Variants in ROCK2 observed in about 807,000 individuals in gnomAD.
ROCK2 encodes Rho associated coiled-coil containing protein kinase 2.
A neutral mutation model predicts 195.1 loss-of-function variants in ROCK2; 61 were observed. The observed-to-expected ratio is 0.31, with a 90% CI of 0.25 to 0.39. ROCK2 has a LOEUF of 0.39. Ranked by LOEUF, ROCK2 falls within the 10% of genes least tolerant of loss-of-function variation. The pLI, the probability that ROCK2 is intolerant of heterozygous loss-of-function variation, is 1.00. For synonymous variants in ROCK2, 504 were observed against 545.5 expected (o/e 0.92, Z 1.06); for missense variants, 1,109 against 1,637.4 (o/e 0.68, Z 5.57).
chr2:11,313,394 TTAAAA>T (rs1454524816), intron 1 of ROCK2, among the ~76,000 whole-genome samples: 1 of 152,070 alleles, frequency 6.6e-6, no homozygotes, highest in Non-Finnish European at 1.5e-5. Flanking sequence ...GCTACCATAT[TTAAAA>T]TATTTTTGGG....
At chr2:11,296,015 A>C (rs13020007) in intron 1 of ROCK2, among the ~76,000 whole-genome samples, 1 of 80,024 alleles carries the variant, frequency 1.2e-5, no homozygotes, top group East Asian at 5.7e-4. Flanking sequence ...GGAGAGAGAG[A>C]GAGAGAGAGA....
chr2:11,276,133 T>A (rs1385898099), intron 3 of ROCK2, among the ~76,000 whole-genome samples: 1 of 152,122 alleles, frequency 6.6e-6, no homozygotes, highest in Non-Finnish European at 1.5e-5. Flanking sequence ...AGTCTAAAAG[T>A]TTTTCCGCTA....
At chr2:11,256,697 T>C (rs577053994) in intron 3 of ROCK2, among the ~76,000 whole-genome samples, 2 of 151,234 alleles carry the variant, frequency 1.3e-5, no homozygotes, top group East Asian at 3.9e-4. Context: ...GGTATATAAA[T>C]AATAAAGCAG....
At chr2:11,275,494 A>G (rs1666792517) in intron 3 of ROCK2, among the ~76,000 whole-genome samples, 1 of 152,108 alleles carries the variant, frequency 6.6e-6, no homozygotes, top group African/African-American at 2.4e-5. Flanking sequence ...AAAGATTCTC[A>G]ACAAATTACT....
intron 1 of ROCK2, among the ~76,000 whole-genome samples, chr2:11,323,932 T>C (rs1180206177): frequency 1.3e-5 from 2 of 152,230 alleles, no homozygotes; most frequent in Non-Finnish European, 2.9e-5. Context: ...TAATAACCTG[T>C]ATCCACCATT....
At chr2:11,287,102 TCA>T (rs1667225255) in intron 2 of ROCK2, among the ~76,000 whole-genome samples, 1 of 152,204 alleles carries the variant, frequency 6.6e-6, no homozygotes, top group African/African-American at 2.4e-5. Flanking sequence ...GGAAAATACC[TCA>T]GTCTCTGCCA....
intron 3 of ROCK2, among the ~76,000 whole-genome samples, chr2:11,261,365 A>C (rs1442784185): frequency 6.6e-6 from 1 of 152,210 alleles, no homozygotes; most frequent in Non-Finnish European, 1.5e-5. Flanking sequence ...TCCTTTGAGG[A>C]TGTCTCTTTC....
At chr2:11,288,643 C>A (rs1007818323) in intron 1 of ROCK2, among the ~76,000 whole-genome samples, 1 of 149,350 alleles carries the variant, frequency 6.7e-6, no homozygotes, top group African/African-American at 2.4e-5. Flanking sequence ...TGACACCCTG[C>A]TAAAAGAAAC....
intron 1 of ROCK2, among the ~76,000 whole-genome samples, chr2:11,326,581 G>GT (rs1246372089): frequency 3.3e-5 from 5 of 152,078 alleles, no homozygotes; most frequent in Admixed American, 6.5e-5. Context: ...TTTTTGTTTT[G>GT]TTTTTTATTT....
At chr2:11,322,411 C>T (rs1217748523) in intron 1 of ROCK2, among the ~76,000 whole-genome samples, 5 of 150,774 alleles carry the variant, frequency 3.3e-5, no homozygotes, top group African/African-American at 1.2e-4. Flanking sequence ...TATATAAATG[C>T]CAGAAACAGT....
Position 11,201,195 on chromosome 2 carries a change from A to T in ROCK2, c.2724-52T>A, listed in dbSNP as rs1572234637. The T allele has an allele frequency of 6.4e-7, 1 of 1,560,708 alleles. No homozygotes were observed. Among genetic ancestry groups the T allele is most frequent in the East Asian group, 2.3e-5 (1 of 44,440 alleles). On this transcript the variant is annotated intron_variant, in intron 22 of 32. Coordinates refer to ENST00000315872, the MANE Select transcript of ROCK2 (RefSeq NM_004850.5). This position sits in a 1 kb window ranked among gnomAD's most constrained non-coding sequence, Gnocchi z 4.6. Reference sequence around the variant, plus strand: ...ATGGTTCAGTTTTCACTATGAAGTGAAAGTTTTTGTCTAATTCACTTCATC... The same window carrying T: ...ATGGTTCAGTTTTCACTATGAAGTGTAAGTTTTTGTCTAATTCACTTCATC...
chr2:11,246,021 A>T (rs1477301144), intron 4 of ROCK2, among the ~76,000 whole-genome samples: 6 of 152,180 alleles, frequency 3.9e-5, no homozygotes, highest in African/African-American at 1.4e-4. Flanking sequence ...CAGTCACTAT[A>T]ACCAAGGAGG....
intron 5 of ROCK2, among the ~76,000 whole-genome samples, chr2:11,227,871 T>C (rs1490186946): frequency 1.3e-5 from 2 of 152,090 alleles, no homozygotes; most frequent in African/African-American, 2.4e-5. Context: ...GGCTCTTGTA[T>C]TACCAAGAAA....
intron 1 of ROCK2, among the ~76,000 whole-genome samples, chr2:11,298,852 A>T (rs1191949997): frequency 1.3e-5 from 2 of 152,168 alleles, no homozygotes; most frequent in African/African-American, 4.8e-5. Context: ...AGATGGAATT[A>T]AAGGAATTTC....
intron 3 of ROCK2, among the ~76,000 whole-genome samples, chr2:11,254,818 G>A (rs2148135185): frequency 6.9e-6 from 1 of 145,936 alleles, no homozygotes. Context: ...AAAAGAACCA[G>A]GCTCTAAAGT....
chr2:11,307,070 G>A (rs1667880559), intron 1 of ROCK2, among the ~76,000 whole-genome samples: 4 of 152,076 alleles, frequency 2.6e-5, no homozygotes, highest in Admixed American at 2.6e-4. Flanking sequence ...AAAAACTACC[G>A]AGGCTATAAT....
At chr2:11,292,749 A>T (rs1022007835) in intron 1 of ROCK2, among the ~76,000 whole-genome samples, 1 of 152,208 alleles carries the variant, frequency 6.6e-6, no homozygotes, top group Admixed American at 6.5e-5. Context: ...ACACAAATAC[A>T]TAACTAAAAT....
At position 11,233,509 on chromosome 2, in the gene ROCK2, C is replaced by T. The variant is rs371095157; in HGVS notation, c.723+2193G>A. Among the ~76,000 whole-genome samples the T allele has an allele frequency of 5.9e-5, 9 of 152,194 alleles. No individual in the cohort carries two copies. In the East Asian group the frequency reaches 9.6e-4, roughly 16 times the overall value. On this transcript the variant is annotated intron_variant, in intron 5 of 32. Coordinates refer to ENST00000315872, the MANE Select transcript of ROCK2 (RefSeq NM_004850.5). ...CACTTCTATGTTTATATTTAGAGAA[C>T]CCCCTGTAAGCATATACATGGGACA...
chr2:11,258,438 G>GT (rs1208732216), intron 3 of ROCK2, among the ~76,000 whole-genome samples: 1 of 151,462 alleles, frequency 6.6e-6, no homozygotes, highest in East Asian at 1.9e-4. Context: ...ACTGCTCTTA[G>GT]TTAATTCTTT....
Sources: allele counts gnomAD v4.1 joint callset (sites outside exome capture counted in the v4.1 genomes callset), GRCh38; gene constraint gnomAD v4.1.1; non-coding constraint Gnocchi (gnomAD v3.1); transcripts MANE v1.5; gene names NCBI Gene and HGNC (gene_info 2026-07-23, HGNC 2026-07-21).